SLIRP: variants seen among roughly 807,000 people sequenced by gnomAD.
The protein encoded by SLIRP is SRA stem-loop interacting RNA binding protein, also known as SRA stem-loop-interacting RNA-binding protein, mitochondrial.
A neutral mutation model predicts 13.4 loss-of-function variants in SLIRP; 12 were observed. That is an observed-to-expected ratio of 0.89 (90% CI 0.57 to 1.45). The LOEUF (loss-of-function observed/expected upper bound fraction) is 1.45, where lower values mean the gene tolerates loss of function less well. Among genes scored for constraint, SLIRP ranks in the 40% most tolerant of loss-of-function variants. SLIRP has a pLI of 0.00. For synonymous variants in SLIRP, 55 were observed against 47.1 expected, an observed-to-expected ratio of 1.17 and a Z score of -0.69; for missense variants, 154 against 132.2, an observed-to-expected ratio of 1.17 and a Z score of -0.81.
chr14:77,711,388 G>A (rs1411968184), intron 2 of SLIRP, among the ~76,000 whole-genome samples: 9 of 151,940 alleles, frequency 5.9e-5, no homozygotes, highest in Admixed American at 2.0e-4. Flanking sequence ...GGGGTGCAGT[G>A]GCCTGATCTC....
Position 77,711,000 on chromosome 14 carries a change from CAAT to C in SLIRP, c.156+111_156+113del. The stretch of plus-strand genomic sequence containing the variant: ...GATAGTACAACAGGGTGACTATGGT[CAAT>C]AATAATTGTACATTTTAAAATAACT... On this transcript the variant is annotated intron_variant, in intron 2 of 3. Transcript: ENST00000557342. The C allele has an allele frequency of 5.3e-6, 5 of 936,282 alleles. No homozygotes were observed. The South Asian group carries it at 5.6e-5, about 11-fold the overall frequency. The allele number at this position is 936,282 out of a possible 1,614,324, so 58.0% of individuals were successfully genotyped here.
At chr14:77,710,496 A>C in intron 1 of SLIRP, 1 of 1,037,068 alleles carries the variant, frequency 9.6e-7, no homozygotes, top group Non-Finnish European at 1.3e-6. Flanking sequence ...AATCTTCAGT[A>C]TACCGGGAAA....
At chr14:77,715,196 A>G (rs1307748348) in intron 2 of SLIRP, among the ~76,000 whole-genome samples, 1 of 152,048 alleles carries the variant, frequency 6.6e-6, no homozygotes, top group Non-Finnish European at 1.5e-5. Context: ...TATTACTGTT[A>G]GTATGGTTTG....
chr14:77,710,577 G>T, intron 1 of SLIRP: 1 of 1,472,416 alleles, frequency 6.8e-7, no homozygotes. Flanking sequence ...ACATAGCACA[G>T]TAACTGGTAT....
In SLIRP at chr14:77,715,760, T is replaced by G. The variant is rs2139882039; in HGVS notation, c.157-12T>G. The stretch of plus-strand genomic sequence containing the variant: ...TTCATGATTAATCTTTTCCTATATT[T>G]TGAATTTTTAGGACAAGGAGACTGG... On this transcript the variant is annotated splice_polypyrimidine_tract_variant and intron_variant, in intron 2 of 3. Transcript: ENST00000557342. 7 of 1,602,434 alleles carry G rather than the reference T, an allele frequency of 4.4e-6. No homozygotes were observed. In the East Asian group the frequency reaches 1.6e-4, roughly 36 times the overall value.
intron 1 of SLIRP, among the ~76,000 whole-genome samples, chr14:77,709,425 A>T (rs775002507): frequency 1.2e-4 from 18 of 152,218 alleles, no homozygotes; most frequent in Non-Finnish European, 2.1e-4. Flanking sequence ...GACCAAGCCC[A>T]GTAAAGTCTC....
chr14:77,708,135 T>TGCTGCGGC lies in SLIRP; in HGVS notation c.31_38dup (p.Ser15CysfsTer12). 3.1e-6 allele frequency: 5 copies of TGCTGCGGC among 1,614,074 alleles called. No homozygotes were observed. Among genetic ancestry groups the TGCTGCGGC allele is most frequent in the Non-Finnish European group, 3.4e-6 (4 of 1,179,990 alleles). The stretch of plus-strand genomic sequence containing the variant: ...AGATGGCGGCCTCAGCAGCGAGAGG[T>TGCTGCGGC]GCTGCGGCGCTGCGTAGAAGTATCA... On this transcript the variant is annotated frameshift_variant, in exon 1 of 4. Coordinates refer to ENST00000557342, the MANE Select transcript of SLIRP (RefSeq NM_031210.6). LOFTEE classifies it high-confidence loss of function.
At chr14:77,710,998 G>A (rs943494479) in intron 2 of SLIRP, 102 bp downstream of exon 2, 8 of 952,764 alleles carry the variant, frequency 8.4e-6, no homozygotes, top group Non-Finnish European at 1.2e-5. Flanking sequence ...GGTGACTATG[G>A]TCAATAATAA....
At chr14:77,708,784 ATGTGTTGAC>A (rs2080416755) in intron 1 of SLIRP, among the ~76,000 whole-genome samples, 1 of 152,194 alleles carries the variant, frequency 6.6e-6, no homozygotes, top group African/African-American at 2.4e-5. Flanking sequence ...TAAAGTTTGA[ATGTGTTGAC>A]TTTGAGAAAC....
At chr14:77,715,027 T>A (rs17825584) in intron 2 of SLIRP, among the ~76,000 whole-genome samples, 9,570 of 151,878 alleles carry the variant, frequency 0.063, 361 homozygotes, top group African/African-American at 0.089. Flanking sequence ...GGCTAAATAT[T>A]ATCTTTTCTT....
At chr14:77,715,657 A>T (rs2080470434) in intron 2 of SLIRP, 115 bp from the exon 3 acceptor site, 1 of 843,342 alleles carries the variant, frequency 1.2e-6, no homozygotes, top group South Asian at 1.8e-5. Flanking sequence ...AATAAAATAA[A>T]ATTAAATTAA....
intron 2 of SLIRP, among the ~76,000 whole-genome samples, chr14:77,714,037 TTCTC>T (rs56047617): frequency 0.65 from 98,893 of 151,532 alleles, 32,540 homozygotes; most frequent in African/African-American, 0.72. Flanking sequence ...TTGAGACAGG[TTCTC>T]TCTCTCACTC....
intron 2 of SLIRP, among the ~76,000 whole-genome samples, chr14:77,713,445 C>T (rs146209883): frequency 1.6e-4 from 25 of 152,282 alleles, no homozygotes; most frequent in African/African-American, 6.0e-4. Context: ...TGTTACTTGA[C>T]TCCCAAAGAC....
Position 77,710,833 on chromosome 14 carries a change from C to T in SLIRP, c.98-5C>T, listed in dbSNP as rs1285760465. On this transcript the variant is annotated splice_polypyrimidine_tract_variant and splice_region_variant and intron_variant, in intron 1 of 3. Coordinates refer to ENST00000557342, the MANE Select transcript of SLIRP (RefSeq NM_031210.6). ...CTACTTTTAATGTTTTCTTCTGCCA[C>T]ACAGGTCAGCTGAAAGAACACTTTG... 6.2e-7 allele frequency: 1 copy of T among 1,613,986 alleles called. No homozygotes were observed. The highest frequency in any genetic ancestry group is 8.5e-7 in the Non-Finnish European group (1 of 1,179,942).
At chr14:77,709,868 G>T (rs176944) in intron 1 of SLIRP, among the ~76,000 whole-genome samples, 27,259 of 152,098 alleles carry the variant, frequency 0.18, 2,561 homozygotes, top group East Asian at 0.26. Flanking sequence ...TCTGTGGATT[G>T]TTGGAAGGAT....
Position 77,710,722 on chromosome 14 carries a change from A to G in SLIRP, c.98-116A>G. On this transcript the variant is annotated intron_variant, in intron 1 of 3. Transcript: ENST00000557342. ...CTGCTTCCTAAATCTTAAGCCTTTA[A>G]GGAAATGCAAAGTAGTTCCTGTCCA... 5 of 1,582,072 alleles carry G rather than the reference A, an allele frequency of 3.2e-6. No homozygotes were observed. In the South Asian group the frequency reaches 5.6e-5, roughly 18 times the overall value.
rs1267540381 is a variant in SLIRP at position 77,710,849 on chromosome 14, G to T, written c.109G>T (p.Glu37Ter). 2 of 1,614,122 alleles carry T rather than the reference G, an allele frequency of 1.2e-6. No homozygotes were observed. Among genetic ancestry groups the T allele is most frequent in the South Asian group, 2.2e-5 (2 of 91,080 alleles). Residue 37 changes from glutamate (E) to a stop codon, truncating the protein, a stop_gained, in exon 2 of 4, where the codon GAA (glutamate) becomes TAA (stop). Transcript: ENST00000557342. LOFTEE classifies it high-confidence loss of function. Reference sequence around the variant, plus strand: ...CTTCTGCCACACAGGTCAGCTGAAAGAACACTTTGCACAGTTCGGCCATGT... The same window carrying T: ...CTTCTGCCACACAGGTCAGCTGAAATAACACTTTGCACAGTTCGGCCATGT... The part of the protein sequence containing the change: ...PWTAASSQLK[E>*]HFAQFGHVRR...
intron 2 of SLIRP, among the ~76,000 whole-genome samples, chr14:77,712,390 C>T (rs1595065123): frequency 6.6e-6 from 1 of 151,756 alleles, no homozygotes; most frequent in Non-Finnish European, 1.5e-5. Context: ...TCTCCTGCCT[C>T]AGCCTCCTGA....
chr14:77,710,434 C>T (rs2080431109), intron 1 of SLIRP: 1 of 516,584 alleles, frequency 1.9e-6, no homozygotes, highest in Non-Finnish European at 3.4e-6. Flanking sequence ...GAGGGCAACT[C>T]AACACATTTT....
Sources: gnomAD v4.1 joint callset for allele counts (sites outside exome capture counted in the v4.1 genomes callset) on GRCh38, gnomAD v4.1.1 for gene constraint, MANE v1.5 for transcripts, NCBI Gene and HGNC (gene_info 2026-07-23, HGNC 2026-07-21) for gene names.